Variants in C16orf74 observed in about 807,000 individuals in gnomAD.
C16orf74 encodes the protein uncharacterized protein C16orf74.
C16orf74 carries 10 observed loss-of-function variants against 6.5 expected under a neutral mutation model. That is an observed-to-expected ratio of 1.54 (90% confidence interval 0.95 to 2.61). The LOEUF (loss-of-function observed/expected upper bound fraction) is 2.61, where lower values mean the gene tolerates loss of function less well. Among genes scored for constraint, C16orf74 ranks in the 30% most tolerant of loss-of-function variants. The pLI is 0.00. For synonymous variants in C16orf74, 60 were observed against 42.5 expected (o/e 1.41, Z -1.60); for missense variants, 141 against 105.9 (o/e 1.33, Z -1.45).
intron 2 of C16orf74, among the ~76,000 whole-genome samples, chr16:85,725,148 C>T (rs941781446): frequency 4.7e-4 from 72 of 152,206 alleles, no homozygotes; most frequent in African/African-American, 1.7e-3. Context: ...CGAGATCAGA[C>T]GCCATCTGCT....
intron 2 of C16orf74, among the ~76,000 whole-genome samples, chr16:85,728,981 A>AC (rs2054161123): frequency 6.6e-6 from 1 of 152,166 alleles, no homozygotes; most frequent in Non-Finnish European, 1.5e-5. Context: ...TGAGAATCTG[A>AC]TGGTCTGACT....
chr16:85,728,490 C>A (rs1331736882), intron 2 of C16orf74, among the ~76,000 whole-genome samples: 1 of 152,164 alleles, frequency 6.6e-6, no homozygotes, highest in African/African-American at 2.4e-5. Context: ...TCCATGGTGA[C>A]ACTGGAGTTA....
At chr16:85,749,937 C>A (rs1444259126) in intron 1 of C16orf74, among the ~76,000 whole-genome samples, 1 of 152,186 alleles carries the variant, frequency 6.6e-6, no homozygotes, top group Non-Finnish European at 1.5e-5. Flanking sequence ...GGACCGGGTC[C>A]CCAGCGGTGG....
intron 2 of C16orf74, among the ~76,000 whole-genome samples, chr16:85,734,122 G>A (rs2054219389): frequency 6.6e-6 from 1 of 152,172 alleles, no homozygotes; most frequent in Non-Finnish European, 1.5e-5. Context: ...ATCCGCTTCT[G>A]TAGCTTGCAT....
At chr16:85,720,900 C>G (rs2054075866) in intron 2 of C16orf74, among the ~76,000 whole-genome samples, 1 of 151,676 alleles carries the variant, frequency 6.6e-6, no homozygotes, top group Non-Finnish European at 1.5e-5. Flanking sequence ...CCAGCCTGGC[C>G]AACATGGTGA....
At chr16:85,709,199 C>T (rs2053942679) in intron 3 of C16orf74, among the ~76,000 whole-genome samples, 1 of 152,088 alleles carries the variant, frequency 6.6e-6, no homozygotes. Context: ...TACTAAAATA[C>T]AAAAATTAGC....
intron 2 of C16orf74, chr16:85,710,812 G>A (rs771210087): frequency 2.6e-5 from 4 of 152,992 alleles, no homozygotes; most frequent in African/African-American, 7.2e-5. Flanking sequence ...AGTGCAACGG[G>A]CTCTTCCTTG....
chr16:85,741,193 C>T (rs1018180630), intron 1 of C16orf74, among the ~76,000 whole-genome samples: 3 of 152,104 alleles, frequency 2.0e-5, no homozygotes, highest in South Asian at 2.1e-4. Flanking sequence ...TGCGTCAGAT[C>T]GCGTTTTCCT....
chr16:85,719,769 C>A (rs553223800), intron 2 of C16orf74, among the ~76,000 whole-genome samples: 1 of 151,914 alleles, frequency 6.6e-6, no homozygotes, highest in Admixed American at 6.6e-5. Flanking sequence ...CACACAAAGG[C>A]CCTGAGGCAG....
intron 2 of C16orf74, among the ~76,000 whole-genome samples, chr16:85,730,427 G>A (rs2054175840): frequency 6.6e-6 from 1 of 152,038 alleles, no homozygotes; most frequent in African/African-American, 2.4e-5. Context: ...AGCCTACTTT[G>A]GTTCTAGAGG....
intron 2 of C16orf74, among the ~76,000 whole-genome samples, chr16:85,733,383 C>T (rs1376917414): frequency 6.6e-6 from 1 of 152,066 alleles, no homozygotes; most frequent in Non-Finnish European, 1.5e-5. Flanking sequence ...TGGTGGCTGC[C>T]AAGGGCTGGG....
chr16:85,710,349 C>T, intron 2 of C16orf74, 42 bp from the exon 3 acceptor site: 1 of 1,437,608 alleles, frequency 7.0e-7, no homozygotes, highest in South Asian at 1.5e-5. Context: ...GTACACACGA[C>T]AGAGAGACAG....
Position 85,739,808 on chromosome 16 carries a change from A to G in C16orf74, c.-18-4573T>C, listed in dbSNP as rs1380205050. Among the ~76,000 whole-genome samples, 3 of 152,294 alleles carry G rather than the reference A, an allele frequency of 2.0e-5. No homozygotes were observed. The South Asian group carries it at 6.2e-4, about 32-fold the overall frequency. On this transcript the variant is annotated intron_variant, in intron 1 of 3. Transcript: ENST00000284245. The stretch of plus-strand genomic sequence containing the variant: ...AGCAAGACCCTGTCTCAAAAAAAGA[A>G]AAGAAGTAATAAAACAGTCAGAAGA...
intron 2 of C16orf74, among the ~76,000 whole-genome samples, chr16:85,726,148 G>A (rs2054131146): frequency 6.6e-6 from 1 of 151,682 alleles, no homozygotes; most frequent in African/African-American, 2.4e-5. Flanking sequence ...CCCCTCGACT[G>A]CACCTCCTTG....
chr16:85,729,785 T>A lies in C16orf74; in HGVS notation c.28+5405A>T, dbSNP rs1250949995. ...GCCACGTGAAGACAGAGGCAGAGAC[T>A]GGACCCAGGAGGCCTGAAGCTATCA... On this transcript the variant is annotated intron_variant, in intron 2 of 3. Transcript: ENST00000284245. 3.3e-5 allele frequency among the ~76,000 whole-genome samples: 5 copies of A among 152,238 alleles called. No homozygotes were observed. In the South Asian group the frequency reaches 1.0e-3, roughly 32 times the overall value.
At chr16:85,717,054 C>T (rs191797572) in intron 2 of C16orf74, among the ~76,000 whole-genome samples, 6 of 152,306 alleles carry the variant, frequency 3.9e-5, no homozygotes, top group Admixed American at 1.3e-4. Context: ...TCCCCACTTC[C>T]GGGGAGGCTT....
At chr16:85,750,802 G>C (rs1450056229) in intron 1 of C16orf74, 124 bp downstream of exon 1, 1 of 152,134 alleles carries the variant, frequency 6.6e-6, no homozygotes, top group Non-Finnish European at 1.5e-5. Context: ...ACCGACCCCC[G>C]GGCCGCGCCC....
At position 85,707,846 on chromosome 16, in the gene C16orf74, G is replaced by A. The variant is rs1477762620; in HGVS notation, c.*162C>T. On this transcript the variant is annotated 3_prime_UTR_variant, in exon 4 of 4. Coordinates refer to ENST00000284245, the MANE Select transcript of C16orf74 (RefSeq NM_206967.3). ...ACACTGTTCTGGAAGTGGACAGGCT[G>A]GATTCCTCGCTGGTCCTGCCACGTC... The A allele has an allele frequency of 8.0e-6, 5 of 627,346 alleles. No homozygotes were observed. The Admixed American group carries it at 8.1e-5, about 10-fold the overall frequency. The allele number at this position is 627,346 out of a possible 1,614,324, so 38.9% of individuals were successfully genotyped here. A position where few individuals can be genotyped will look rare whatever the true frequency, so the allele number is the denominator to read the frequency against.
At chr16:85,742,242 G>A (rs1208755942) in intron 1 of C16orf74, among the ~76,000 whole-genome samples, 1 of 152,160 alleles carries the variant, frequency 6.6e-6, no homozygotes, top group Non-Finnish European at 1.5e-5. Flanking sequence ...CTATGATGGT[G>A]CATGCCTGTA....
Sources: allele counts gnomAD v4.1 joint callset (sites outside exome capture counted in the v4.1 genomes callset), GRCh38; gene constraint gnomAD v4.1.1; transcripts MANE v1.5; gene names NCBI Gene and HGNC (gene_info 2026-07-23, HGNC 2026-07-21).